The following ZC3H18 variants were observed in gnomAD, a reference collection of about 807,000 sequenced individuals.
The protein encoded by ZC3H18 is zinc finger CCCH-type containing 18.
A neutral mutation model predicts 106.1 loss-of-function variants in ZC3H18; 8 were observed. That is an observed-to-expected ratio of 0.08 (90% CI 0.04 to 0.14). The LOEUF is 0.14. Among genes scored for constraint, ZC3H18 ranks in the 10% least tolerant of loss-of-function variants. ZC3H18 has a pLI of 1.00. For missense variants in ZC3H18, 1,318 were observed against 1,278.4 expected, an observed-to-expected ratio of 1.03 and a Z score of -0.47; for synonymous variants, 635 against 522.1, an observed-to-expected ratio of 1.22 and a Z score of -2.95.
At chr16:88,581,209 C>A (rs11076680) in intron 2 of ZC3H18, among the ~76,000 whole-genome samples, 59,453 of 151,980 alleles carry the variant, frequency 0.39, 11,962 homozygotes, top group East Asian at 0.57. Flanking sequence ...ACTATGTTGC[C>A]CAGGCTGGTC....
chr16:88,603,201 C>T (rs893264212), intron 6 of ZC3H18, among the ~76,000 whole-genome samples: 2 of 151,952 alleles, frequency 1.3e-5, no homozygotes, highest in African/African-American at 2.4e-5. Flanking sequence ...CTCTTGACCT[C>T]GTGATCTGCC....
intron 7 of ZC3H18, 143 bp downstream of exon 7, chr16:88,609,194 G>T (rs1384603202): frequency 3.6e-6 from 2 of 548,608 alleles, no homozygotes; most frequent in Non-Finnish European, 6.0e-6. Context: ...CAAATTGATT[G>T]TTACGGAGAA....
intron 8 of ZC3H18, among the ~76,000 whole-genome samples, chr16:88,613,502 C>T (rs1032143455): frequency 1.3e-5 from 2 of 152,160 alleles, no homozygotes; most frequent in Admixed American, 6.5e-5. Context: ...TCCTTGTCTG[C>T]ACTTGCTGCG....
At chr16:88,630,657 C>A in intron 17 of ZC3H18, 76 bp downstream of exon 17, 1 of 1,324,550 alleles carries the variant, frequency 7.5e-7, no homozygotes, top group Non-Finnish European at 1.0e-6. Context: ...AGGCCAGCAG[C>A]AGCAGGGCTA....
chr16:88,587,654 G>GT, intron 3 of ZC3H18: 1 of 1,499,944 alleles, frequency 6.7e-7, no homozygotes, highest in Non-Finnish European at 9.0e-7. Flanking sequence ...GTACCTTAAA[G>GT]TCCCCCTACT....
Position 88,577,638 on chromosome 16 carries a change from A to C in ZC3H18, c.515A>C (p.Gln172Pro). The C allele has an allele frequency of 6.2e-7, 1 of 1,613,930 alleles. No homozygotes were observed. The highest frequency in any genetic ancestry group is 8.5e-7 in the Non-Finnish European group (1 of 1,180,020). ...AGGGAGGAGGGGAAGGCTGGTGTTC[A>C]GAGTGTGGGAGAAAAGGAATCCCTG... ...TPREEGKAGV[Q>P]SVGEKESLEA... The change falls in exon 2 of 18, where the codon CAG (glutamine) becomes CCG (proline). Residue 172 changes from glutamine to proline, a missense_variant. By Grantham distance (76) the Gln-to-Pro change is moderately conservative. Coordinates refer to ENST00000301011, the MANE Select transcript of ZC3H18 (RefSeq NM_144604.4).
At chr16:88,584,524 G>T (rs1279249767) in intron 2 of ZC3H18, among the ~76,000 whole-genome samples, 2 of 152,172 alleles carry the variant, frequency 1.3e-5, no homozygotes, top group African/African-American at 4.8e-5. Context: ...TGAGTGATTG[G>T]TGGATTATTT....
chr16:88,601,157 G>A (rs1390655565), intron 6 of ZC3H18, among the ~76,000 whole-genome samples: 1 of 152,268 alleles, frequency 6.6e-6, no homozygotes, highest in Non-Finnish European at 1.5e-5. Context: ...GCCCCAGCAG[G>A]TGAGAGCTTA....
Position 88,599,922 on chromosome 16 carries a change from G to C in ZC3H18, c.1062G>C (p.Arg354=). The C allele has an allele frequency of 6.2e-7, 1 of 1,614,174 alleles. No individual in the cohort carries two copies. The highest frequency in any genetic ancestry group is 1.1e-5 in the South Asian group (1 of 91,084). The part of the protein sequence containing the change: ...ENEVFRDWNS[R]IPRDVRDTVL... The stretch of plus-strand genomic sequence containing the variant: ...AAGTTTTTCGAGATTGGAATTCTCG[G>C]ATCCCGAGAGATGTCAGAGACACAG... The change falls in exon 6 of 18, where the codon CGG becomes CGC. Residue 354 remains arginine, a synonymous_variant. Coordinates refer to ENST00000301011, the MANE Select transcript of ZC3H18 (RefSeq NM_144604.4).
chr16:88,591,134 G>A (rs1915727284), intron 3 of ZC3H18, among the ~76,000 whole-genome samples: 1 of 151,892 alleles, frequency 6.6e-6, no homozygotes, highest in African/African-American at 2.4e-5. Flanking sequence ...CCACGCCCAG[G>A]TAATTTTTGT....
chr16:88,615,271 C>CGTTCCCTCTGCCCGG (rs1905526398), intron 8 of ZC3H18, among the ~76,000 whole-genome samples: 4 of 152,274 alleles, frequency 2.6e-5, no homozygotes, highest in East Asian at 1.9e-4. Flanking sequence ...CTACCTCCTC[C>CGTTCCCTCTGCCCGG]AGGGTTTTGC....
intron 8 of ZC3H18, among the ~76,000 whole-genome samples, chr16:88,619,777 C>T (rs1241602520): frequency 2.0e-5 from 3 of 152,172 alleles, no homozygotes; most frequent in Non-Finnish European, 4.4e-5. Context: ...GTCCTGACCA[C>T]GCCTTGACTT....
intron 8 of ZC3H18, among the ~76,000 whole-genome samples, chr16:88,617,205 G>C (rs1905667031): frequency 6.6e-6 from 1 of 152,096 alleles, no homozygotes; most frequent in Non-Finnish European, 1.5e-5. Flanking sequence ...AAGCTGTTTG[G>C]CTCTGGGAGT....
intron 6 of ZC3H18, among the ~76,000 whole-genome samples, chr16:88,603,835 A>G (rs1005857242): frequency 8.9e-5 from 13 of 146,440 alleles, no homozygotes; most frequent in Non-Finnish European, 1.9e-4. Flanking sequence ...GGGTTTCACC[A>G]TGTTAGCCAG....
intron 8 of ZC3H18, among the ~76,000 whole-genome samples, chr16:88,620,927 G>A (rs1032549443): frequency 3.3e-5 from 5 of 152,168 alleles, no homozygotes; most frequent in African/African-American, 9.7e-5. Flanking sequence ...GTGCAGTGGC[G>A]CAGTCTCAGC....
At chr16:88,574,495 C>A (rs1460113500) in intron 1 of ZC3H18, among the ~76,000 whole-genome samples, 1 of 151,710 alleles carries the variant, frequency 6.6e-6, no homozygotes, top group African/African-American at 2.4e-5. Flanking sequence ...AGACGCGAGC[C>A]ACCACGCCTG....
chr16:88,620,601 G>T (rs1450009572), intron 8 of ZC3H18, among the ~76,000 whole-genome samples: 4 of 143,556 alleles, frequency 2.8e-5, no homozygotes, highest in African/African-American at 1.0e-4. Flanking sequence ...AAAAAAAAAA[G>T]CCACGTTCTG....
rs758166414 is a variant in ZC3H18 at position 88,598,161 on chromosome 16, C to G, written c.689-17C>G. The G allele has an allele frequency of 6.4e-7, 1 of 1,565,086 alleles. No homozygotes were observed. On this transcript the variant is annotated splice_polypyrimidine_tract_variant and intron_variant, in intron 3 of 17. Transcript: ENST00000301011. ...GGCTCTTGTGGACCCTTTCTGATCT[C>G]ACTTTTGTTTCCATAGGGAACTGTA...
intron 1 of ZC3H18, chr16:88,571,639 A>G: frequency 1.0e-6 from 1 of 985,436 alleles, no homozygotes; most frequent in Non-Finnish European, 1.2e-6. Flanking sequence ...ATATTGTAAG[A>G]AAGCTTTGTG....
Sources: allele counts gnomAD v4.1 joint callset (sites outside exome capture counted in the v4.1 genomes callset), GRCh38; gene constraint gnomAD v4.1.1; transcripts MANE v1.5; gene names NCBI Gene and HGNC (gene_info 2026-07-23, HGNC 2026-07-21).